CNTN5: variants seen among roughly 807,000 people sequenced by gnomAD.
The protein encoded by CNTN5 is contactin 5.
A neutral mutation model predicts 129.1 loss-of-function variants in CNTN5; 77 were observed. The observed-to-expected ratio is 0.60, with a 90% confidence interval of 0.50 to 0.72. The LOEUF is 0.72. Ranked by LOEUF, CNTN5 falls within the 30% of genes least tolerant of loss-of-function variation. CNTN5 has a pLI of 0.00. For synonymous variants in CNTN5, 509 were observed against 465.6 expected (o/e 1.09, Z -1.20); for missense variants, 1,478 against 1,328.8 (o/e 1.11, Z -1.75).
intron 16 of CNTN5, among the ~76,000 whole-genome samples, chr11:100,238,509 A>AGGGGGAAGAGGAGGAGGG: frequency 7.1e-6 from 1 of 140,914 alleles, no homozygotes; most frequent in South Asian, 2.7e-4. Flanking sequence ...GAGGAGGAGA[A>AGGGGGAAGAGGAGGAGGG]GGGGGAAGAG....
intron 9 of CNTN5, among the ~76,000 whole-genome samples, chr11:100,060,919 G>T (rs1407534097): frequency 6.6e-6 from 1 of 151,450 alleles, no homozygotes; most frequent in Non-Finnish European, 1.5e-5. Context: ...GGGATTACAG[G>T]TGTGAGCCAC....
At chr11:99,694,539 C>T (rs770589148) in intron 3 of CNTN5, among the ~76,000 whole-genome samples, 6 of 152,108 alleles carry the variant, frequency 3.9e-5, no homozygotes, top group Non-Finnish European at 7.4e-5. Context: ...TATTATTTCA[C>T]TTTAAGTTCT....
chr11:100,041,239 A>G (rs573636621), intron 9 of CNTN5, among the ~76,000 whole-genome samples: 7 of 152,252 alleles, frequency 4.6e-5, no homozygotes, highest in South Asian at 2.1e-4. Flanking sequence ...ACTCCTACCA[A>G]TTATGCAAGT....
At chr11:99,175,654 A>G (rs1242242334) in intron 1 of CNTN5, among the ~76,000 whole-genome samples, 1 of 152,188 alleles carries the variant, frequency 6.6e-6, no homozygotes, top group Admixed American at 6.5e-5. Context: ...TCTTTCTGCC[A>G]GAGATCTTGG....
At chr11:99,164,535 G>T (rs1329158444) in intron 1 of CNTN5, among the ~76,000 whole-genome samples, 1 of 152,054 alleles carries the variant, frequency 6.6e-6, no homozygotes, top group Non-Finnish European at 1.5e-5. Flanking sequence ...GTATCATATA[G>T]TTACGTAGTA....
intron 13 of CNTN5, among the ~76,000 whole-genome samples, chr11:100,190,129 AT>A (rs1056234268): frequency 1.1e-4 from 16 of 152,160 alleles, no homozygotes; most frequent in Non-Finnish European, 1.9e-4. Flanking sequence ...TAAATCTTAA[AT>A]AGTTTAATAT....
intron 1 of CNTN5, among the ~76,000 whole-genome samples, chr11:99,274,479 A>C (rs1863329524): frequency 6.6e-6 from 1 of 151,718 alleles, no homozygotes; most frequent in Admixed American, 6.6e-5. Flanking sequence ...GATATCATTC[A>C]GTACATTGTA....
At chr11:99,597,059 T>G (rs1950148688) in intron 3 of CNTN5, among the ~76,000 whole-genome samples, 1 of 152,180 alleles carries the variant, frequency 6.6e-6, no homozygotes, top group African/African-American at 2.4e-5. Context: ...ATAGTATTCA[T>G]TTTCAGATCT....
intron 1 of CNTN5, among the ~76,000 whole-genome samples, chr11:99,127,987 G>A (rs1205232035): frequency 6.6e-6 from 1 of 152,176 alleles, no homozygotes; most frequent in Non-Finnish European, 1.5e-5. Flanking sequence ...AATTAATGAT[G>A]AGCAATATAA....
rs1395982391 is a variant in CNTN5, at chr11:99,349,091, A to G, written c.-71+23607A>G. 2.6e-5 allele frequency among the ~76,000 whole-genome samples: 4 copies of G among 152,212 alleles called. 1 individual carries two copies. Among genetic ancestry groups the G allele is most frequent in the African/African-American group, 9.6e-5 (4 of 41,456 alleles). On this transcript the variant is annotated intron_variant, in intron 2 of 24. Coordinates refer to ENST00000524871, the MANE Select transcript of CNTN5 (RefSeq NM_014361.4). Reference sequence around the variant, plus strand: ...GTGGTAAGTGCTATAGAGAAACGTGAACAAGAATGCAGTGATCTGGGTATG... The same window carrying G: ...GTGGTAAGTGCTATAGAGAAACGTGGACAAGAATGCAGTGATCTGGGTATG...
At chr11:99,718,755 T>C (rs943784491) in intron 3 of CNTN5, among the ~76,000 whole-genome samples, 1 of 152,100 alleles carries the variant, frequency 6.6e-6, no homozygotes, top group South Asian at 2.1e-4. Context: ...CCAAACACTT[T>C]GCTAAGTGTC....
intron 9 of CNTN5, among the ~76,000 whole-genome samples, chr11:100,014,569 G>C (rs1940720872): frequency 6.6e-6 from 1 of 151,830 alleles, no homozygotes; most frequent in Non-Finnish European, 1.5e-5. Context: ...TAAAGAGTGA[G>C]ACTCCGTCTC....
intron 13 of CNTN5, among the ~76,000 whole-genome samples, chr11:100,096,843 C>T (rs1945028355): frequency 6.6e-6 from 1 of 152,106 alleles, no homozygotes; most frequent in African/African-American, 2.4e-5. Flanking sequence ...CATGAATTTA[C>T]ATCACATGTG....
At chr11:99,520,561 G>A (rs1947239414) in intron 2 of CNTN5, among the ~76,000 whole-genome samples, 1 of 152,084 alleles carries the variant, frequency 6.6e-6, no homozygotes. Context: ...ACCTTTCAGA[G>A]TATCTTGTCC....
chr11:99,798,514 G>T (rs1460735353), intron 3 of CNTN5, among the ~76,000 whole-genome samples: 1 of 152,072 alleles, frequency 6.6e-6, no homozygotes, highest in East Asian at 1.9e-4. Flanking sequence ...ATCATTTTTT[G>T]AACAGGAGGT....
intron 13 of CNTN5, among the ~76,000 whole-genome samples, chr11:100,155,169 C>A (rs1947197045): frequency 6.6e-6 from 1 of 152,110 alleles, no homozygotes; most frequent in Admixed American, 6.6e-5. Flanking sequence ...ACATTTAAGT[C>A]TTTAATCTAT....
chr11:100,194,603 G>C (rs912514332), intron 15 of CNTN5, among the ~76,000 whole-genome samples: 1 of 125,060 alleles, frequency 8.0e-6, no homozygotes, highest in Admixed American at 8.2e-5. Context: ...GGGATACAAG[G>C]AAAAAAAAAA....
intron 2 of CNTN5, among the ~76,000 whole-genome samples, chr11:99,431,528 AG>A (rs1044759905): frequency 1.3e-4 from 20 of 152,076 alleles, no homozygotes; most frequent in African/African-American, 4.1e-4. Context: ...AATTCCTTGG[AG>A]GGGGGAAACT....
chr11:99,398,443 A>G (rs1254058581), intron 2 of CNTN5, among the ~76,000 whole-genome samples: 2 of 151,952 alleles, frequency 1.3e-5, no homozygotes, highest in African/African-American at 4.8e-5. Flanking sequence ...AATGCTTAAT[A>G]TTTTGTATTC....
Sources: allele counts gnomAD v4.1 joint callset (sites outside exome capture counted in the v4.1 genomes callset), GRCh38; gene constraint gnomAD v4.1.1; transcripts MANE v1.5; gene names NCBI Gene and HGNC (gene_info 2026-07-23, HGNC 2026-07-21).